Variants in MAF1 observed in about 807,000 individuals in gnomAD.
MAF1 encodes repressor of RNA polymerase III transcription MAF1 homolog.
A neutral mutation model predicts 31.9 loss-of-function variants in MAF1; 7 were observed. The ratio of observed to expected loss-of-function variants is 0.22; its 90% CI spans 0.12 to 0.41. MAF1 has a LOEUF of 0.41. Ranked by LOEUF, MAF1 falls within the 10% of genes least tolerant of loss-of-function variation. MAF1 has a pLI of 1.00. For synonymous variants in MAF1, 157 were observed against 120.0 expected (o/e 1.31, Z -2.02); for missense variants, 221 against 323.1 (o/e 0.68, Z 2.42).
At chr8:144,106,530 C>T (rs1174033238) in intron 5 of MAF1, 25 bp from the exon 6 acceptor site, 3 of 1,613,938 alleles carry the variant, frequency 1.9e-6, no homozygotes, top group Admixed American at 3.3e-5. Context: ...GCGCCTCACA[C>T]CACCTGTCAC....
Position 144,106,549 on chromosome 8 carries a change from C to T in MAF1, c.501-6C>T, listed in dbSNP as rs762083811. The T allele has an allele frequency of 1.3e-5, 21 of 1,613,862 alleles. No homozygotes were observed. In the African/African-American group the frequency reaches 1.3e-4, roughly 10 times the overall value. On this transcript the variant is annotated splice_polypyrimidine_tract_variant and splice_region_variant and intron_variant, in intron 5 of 7. Coordinates refer to ENST00000322428, the MANE Select transcript of MAF1 (RefSeq NM_032272.5). ...CTCACACCACCTGTCACCCTATACT[C>T]CCCAGCTATAACCCAGACTTGGACT...
Position 144,107,256 on chromosome 8 carries a change from C to T in MAF1, c.*147C>T, listed in dbSNP as rs567767009. The T allele has an allele frequency of 1.1e-4, 111 of 1,028,148 alleles. No individual in the cohort carries two copies. In the African/African-American group the frequency reaches 1.3e-3, roughly 12 times the overall value. The allele number at this position is 1,028,148 out of a possible 1,614,324, so 63.7% of individuals were successfully genotyped here. ...ACTGCCCAAGGCCATACCTGCCTAG[C>T]CCTTTGGCTCCATCCTGTGGATGCC... On this transcript the variant is annotated 3_prime_UTR_variant, in exon 8 of 8. Transcript: ENST00000322428.
chr8:144,106,542 C>G lies in MAF1; in HGVS notation c.501-13C>G, dbSNP rs1353461136. Reference sequence around the variant, plus strand: ...TTGGCGCCTCACACCACCTGTCACCCTATACTCCCCAGCTATAACCCAGAC... The same window carrying G: ...TTGGCGCCTCACACCACCTGTCACCGTATACTCCCCAGCTATAACCCAGAC... On this transcript the variant is annotated splice_polypyrimidine_tract_variant and intron_variant, in intron 5 of 7. Transcript: ENST00000322428. The G allele has an allele frequency of 1.2e-6, 2 of 1,613,848 alleles. No individual in the cohort carries two copies. Among genetic ancestry groups the G allele is most frequent in the Non-Finnish European group, 8.5e-7 (1 of 1,180,032 alleles).
At chr8:144,105,377 T>C (rs1328588095) in intron 1 of MAF1, 2 of 393,810 alleles carry the variant, frequency 5.1e-6, no homozygotes, top group Non-Finnish European at 9.4e-6. Flanking sequence ...GTGAGCAGGG[T>C]CCCCGGTGGT....
chr8:144,107,290 C>T lies in MAF1; in HGVS notation c.*181C>T, dbSNP rs1195180621. The stretch of plus-strand genomic sequence containing the variant: ...TCCATCCTGTGGATGCCCACTCACC[C>T]CTCAGACTCCTGCTGCCCATGCTGT... On this transcript the variant is annotated 3_prime_UTR_variant, in exon 8 of 8. Coordinates refer to ENST00000322428, the MANE Select transcript of MAF1 (RefSeq NM_032272.5). 3 of 745,894 alleles carry T rather than the reference C, an allele frequency of 4.0e-6. No homozygotes were observed. Among genetic ancestry groups the T allele is most frequent in the Non-Finnish European group, 6.7e-6 (3 of 446,946 alleles). The allele number at this position is 745,894 out of a possible 1,614,324, so 46.2% of individuals were successfully genotyped here.
At position 144,106,630 on chromosome 8, in the gene MAF1, C is replaced by T. The variant is rs376422932; in HGVS notation, c.576C>T (p.Asn192=). 1.2e-6 allele frequency: 2 copies of T among 1,613,876 alleles called. No individual in the cohort carries two copies. The highest frequency in any genetic ancestry group is 2.2e-5 in the South Asian group (2 of 91,092). ...GGTCCTTCAACTACTTCTTCTACAA[C>T]AAGCGGCTCAAGCGAATCGTCTTCT... The part of the protein sequence containing the change: ...SLWSFNYFFY[N]KRLKRIVFFS... The change falls in exon 6 of 8, where the codon AAC becomes AAT. Residue 192 remains asparagine (N), a synonymous_variant. Coordinates refer to ENST00000322428, the MANE Select transcript of MAF1 (RefSeq NM_032272.5).
chr8:144,107,451 C>T lies in MAF1; in HGVS notation c.*342C>T. 1.7e-6 allele frequency: 1 copy of T among 582,538 alleles called. No homozygotes were observed. Among genetic ancestry groups the T allele is most frequent in the East Asian group, 2.9e-5 (1 of 34,744 alleles). The allele number at this position is 582,538 out of a possible 1,614,324, so 36.1% of individuals were successfully genotyped here. On this transcript the variant is annotated 3_prime_UTR_variant, in exon 8 of 8. Transcript: ENST00000322428. ...GCCTGCACACTCCAGCCCAAAGGGTCTGTGGCCGGAGGCCCCACGAGCAGG... is the reference window on the plus strand; with the variant it reads ...GCCTGCACACTCCAGCCCAAAGGGTTTGTGGCCGGAGGCCCCACGAGCAGG...
At chr8:144,106,523 C>T (rs1207545113) in intron 5 of MAF1, 32 bp from the exon 6 acceptor site, 1 of 1,613,816 alleles carries the variant, frequency 6.2e-7, no homozygotes, top group Non-Finnish European at 8.5e-7. Context: ...GCACTTGGCG[C>T]CTCACACCAC....
chr8:144,106,747 C>T, intron 6 of MAF1, 73 bp downstream of exon 6: 1 of 1,576,594 alleles, frequency 6.3e-7, no homozygotes, highest in Non-Finnish European at 8.6e-7. Flanking sequence ...CCATCTCCAC[C>T]CAGCTTTGCC....
In MAF1 at chr8:144,105,979, C is replaced by T; in HGVS notation, c.194C>T (p.Ser65Leu). Reference protein sequence around the residue: ...VLEALSPPQTSGLSPSRLSKS... With the variant: ...VLEALSPPQTLGLSPSRLSKS... ...GAGGCACTTTCTCCACCCCAGACTT[C>T]AGGACTGAGCCCCAGCAGGTGAGCC... is the stretch of plus-strand genomic sequence containing the variant. Residue 65 changes from serine (S) to leucine (L), a missense_variant, in exon 3 of 8, where the codon TCA becomes TTA. Ser to Leu is a moderately radical substitution (Grantham distance 145, BLOSUM62 -2). Coordinates refer to ENST00000322428, the MANE Select transcript of MAF1 (RefSeq NM_032272.5). 6.2e-7 allele frequency: 1 copy of T among 1,613,334 alleles called. No homozygotes were observed.
Position 144,105,734 on chromosome 8 carries a change from T to C in MAF1, c.51T>C (p.Thr17=). 1 of 1,613,202 alleles carries C rather than the reference T, an allele frequency of 6.2e-7. No individual in the cohort carries two copies. The highest frequency in any genetic ancestry group is 8.5e-7 in the Non-Finnish European group (1 of 1,180,002). ...TTGAAGCCATCAACTCACAGCTGAC[T>C]GTGGAGACTGGAGATGCCCACATCA... ...SSFEAINSQL[T]VETGDAHIIG... The change falls in exon 2 of 8, where the codon ACT becomes ACC. Residue 17 remains threonine (T), a synonymous_variant. Coordinates refer to ENST00000322428, the MANE Select transcript of MAF1 (RefSeq NM_032272.5).
chr8:144,105,836 A>C (rs778435024), intron 2 of MAF1, 33 bp from the exon 3 acceptor site: 1 of 1,612,886 alleles, frequency 6.2e-7, no homozygotes, highest in South Asian at 1.1e-5. Context: ...ACCTGGGGGA[A>C]GCATGCTTCA....
rs1011962432 is a variant in MAF1, at chr8:144,107,299, C to A, written c.*190C>A. On this transcript the variant is annotated 3_prime_UTR_variant, in exon 8 of 8. Transcript: ENST00000322428. Reference sequence around the variant, plus strand: ...TGGATGCCCACTCACCCCTCAGACTCCTGCTGCCCATGCTGTGGCCGGACT... The same window carrying A: ...TGGATGCCCACTCACCCCTCAGACTACTGCTGCCCATGCTGTGGCCGGACT... The A allele has an allele frequency of 4.2e-6, 3 of 716,592 alleles. No homozygotes were observed. Among genetic ancestry groups the A allele is most frequent in the Admixed American group, 2.6e-5 (1 of 39,028 alleles). The allele number at this position is 716,592 out of a possible 1,614,324, so 44.4% of individuals were successfully genotyped here. A position where few individuals can be genotyped will look rare whatever the true frequency, so the allele number is the denominator to read the frequency against.
At position 144,105,902 on chromosome 8, in the gene MAF1, C is replaced by T. The variant is rs747634446; in HGVS notation, c.117C>T (p.Asp39=). The T allele has an allele frequency of 1.3e-5, 21 of 1,612,970 alleles. No homozygotes were observed. The highest frequency in any genetic ancestry group is 1.1e-4 in the East Asian group (5 of 44,888). ...IESYSCKMAG[D]DKHMFKQFCQ... ...GCTACTCATGTAAGATGGCAGGAGA[C>T]GACAAACACATGTTCAAGCAGTTCT... The change falls in exon 3 of 8, where the codon GAC becomes GAT. Residue 39 remains aspartate, a synonymous_variant. Coordinates refer to ENST00000322428, the MANE Select transcript of MAF1 (RefSeq NM_032272.5).
At chr8:144,105,790 C>A in intron 2 of MAF1, 24 bp downstream of exon 2, 1 of 1,612,494 alleles carries the variant, frequency 6.2e-7, no homozygotes, top group Non-Finnish European at 8.5e-7. Context: ...GGGGGGCTGG[C>A]ATCTCGGAGG....
chr8:144,105,903 G>A lies in MAF1; in HGVS notation c.118G>A (p.Asp40Asn), dbSNP rs759030326. The change falls in exon 3 of 8, where the codon GAC (aspartate) becomes AAC (asparagine). Residue 40 changes from aspartate to asparagine, a missense_variant. Physicochemically the swap from Asp to Asn is conservative, Grantham distance 23 (BLOSUM62 1). This residue lies in a region of MAF1 where 146 missense variants were observed against 263.1 expected (regional missense o/e 0.56). Transcript: ENST00000322428. Reference sequence around the variant, plus strand: ...CTACTCATGTAAGATGGCAGGAGACGACAAACACATGTTCAAGCAGTTCTG... The same window carrying A: ...CTACTCATGTAAGATGGCAGGAGACAACAAACACATGTTCAAGCAGTTCTG... ...ESYSCKMAGD[D>N]KHMFKQFCQE... 1.9e-6 allele frequency: 3 copies of A among 1,613,018 alleles called. No homozygotes were observed. The highest frequency in any genetic ancestry group is 1.7e-5 in the Admixed American group (1 of 60,034).
chr8:144,106,819 C>T lies in MAF1; in HGVS notation c.621-16C>T. 2 of 1,535,798 alleles carry T rather than the reference C, an allele frequency of 1.3e-6. No individual in the cohort carries two copies. The highest frequency in any genetic ancestry group is 1.8e-6 in the Non-Finnish European group (2 of 1,142,458). ...TGGGTAGGGGTCCTGAAACTGGTTT[C>T]CCTGCCTCCCCTCAGTGGCTCCACC... On this transcript the variant is annotated splice_polypyrimidine_tract_variant and intron_variant, in intron 6 of 7. Coordinates refer to ENST00000322428, the MANE Select transcript of MAF1 (RefSeq NM_032272.5).
intron 5 of MAF1, 29 bp from the exon 6 acceptor site, chr8:144,106,526 C>T (rs746572222): frequency 1.9e-6 from 3 of 1,613,942 alleles, no homozygotes; most frequent in South Asian, 2.2e-5. Context: ...CTTGGCGCCT[C>T]ACACCACCTG....
At position 144,107,305 on chromosome 8, in the gene MAF1, G is replaced by A; in HGVS notation, c.*196G>A. The A allele has an allele frequency of 2.9e-6, 2 of 697,356 alleles. No homozygotes were observed. Among genetic ancestry groups the A allele is most frequent in the Non-Finnish European group, 4.8e-6 (2 of 412,578 alleles). The allele number at this position is 697,356 out of a possible 1,614,324, so 43.2% of individuals were successfully genotyped here. ...CCCACTCACCCCTCAGACTCCTGCT[G>A]CCCATGCTGTGGCCGGACTTGTCAG... On this transcript the variant is annotated 3_prime_UTR_variant, in exon 8 of 8. Transcript: ENST00000322428.
Sources: gnomAD v4.1 joint callset for allele counts on GRCh38, gnomAD v4.1.1 for gene constraint, gnomAD v4.1.1 regional missense constraint, MANE v1.5 for transcripts, NCBI Gene and HGNC (gene_info 2026-07-23, HGNC 2026-07-21) for gene names.